The following TP53I11 variants were observed in gnomAD, a reference collection of about 807,000 sequenced individuals.
TP53I11 encodes tumor protein p53-inducible protein 11.
TP53I11 carries 9 observed loss-of-function variants against 23.3 expected under a neutral mutation model. The ratio of observed to expected loss-of-function variants is 0.39; its 90% CI spans 0.23 to 0.67. The LOEUF is 0.67. Among genes scored for constraint, TP53I11 ranks in the 30% least tolerant of loss-of-function variants. The pLI, the probability that TP53I11 is intolerant of heterozygous loss-of-function variation, is 0.48. For missense variants in TP53I11, 170 were observed against 255.2 expected (o/e 0.67, Z 2.27); for synonymous variants, 100 against 106.1 (o/e 0.94, Z 0.35).
chr11:44,935,148 G>A (rs954260988), intron 6 of TP53I11, 131 bp from the exon 7 acceptor site: 35 of 1,357,088 alleles, frequency 2.6e-5, no homozygotes, highest in Non-Finnish European at 3.1e-5. Context: ...TCCCAGGTGG[G>A]AAGCACAGGA....
chr11:44,941,429 G>T (rs78941469), intron 1 of TP53I11, among the ~76,000 whole-genome samples: 2,650 of 152,260 alleles, frequency 0.017, 80 homozygotes, highest in African/African-American at 0.06. Flanking sequence ...GGCCTAATGG[G>T]TAAGTGCTTA....
In TP53I11 at chr11:44,932,400, C is replaced by CAAAG. The variant is rs1431428866; in HGVS notation, c.*2480_*2483dup. The CAAAG allele has an allele frequency of 2.0e-5, 3 of 152,158 alleles. No homozygotes were observed. Among genetic ancestry groups the CAAAG allele is most frequent in the Non-Finnish European group, 2.9e-5 (2 of 68,048 alleles). 9.4% of individuals were successfully genotyped at this position (152,158 alleles called of 1,614,324 possible). ...TGTTTCTTACAAAAAGAAAAAGGAACAAAGAATAAATAGTGACCGTGAAGA... is the reference window on the plus strand; with the variant it reads ...TGTTTCTTACAAAAAGAAAAAGGAACAAAGAAAGAATAAATAGTGACCGTGAAGA... On this transcript the variant is annotated 3_prime_UTR_variant, in exon 7 of 7. Coordinates refer to ENST00000525680, the MANE Select transcript of TP53I11 (RefSeq NM_006034.5).
At chr11:44,944,367 T>A (rs1194270315) in intron 1 of TP53I11, among the ~76,000 whole-genome samples, 1 of 152,140 alleles carries the variant, frequency 6.6e-6, no homozygotes, top group African/African-American at 2.4e-5. Flanking sequence ...GCATTTGTGA[T>A]TGAATGAATG....
rs143816122 is a variant in TP53I11, at chr11:44,934,865, C to G, written c.*19G>C. Reference sequence around the variant, plus strand: ...CACTCTGGCCCAGGCATGGGCAGGGCCCCAGGCCCAGCGGGCAACTAGGCC... The same window carrying G: ...CACTCTGGCCCAGGCATGGGCAGGGGCCCAGGCCCAGCGGGCAACTAGGCC... On this transcript the variant is annotated 3_prime_UTR_variant, in exon 7 of 7. Coordinates refer to ENST00000525680, the MANE Select transcript of TP53I11 (RefSeq NM_006034.5). The G allele has an allele frequency of 6.2e-7, 1 of 1,613,672 alleles. No homozygotes were observed. The highest frequency in any genetic ancestry group is 8.5e-7 in the Non-Finnish European group (1 of 1,179,826).
intron 6 of TP53I11, 77 bp downstream of exon 6, chr11:44,935,484 C>A (rs1860994206): frequency 7.4e-7 from 1 of 1,352,558 alleles, no homozygotes. Flanking sequence ...ACTTCCCACA[C>A]ACCCAGGTGG....
Position 44,936,790 on chromosome 11 carries a change from C to T in TP53I11, c.334+13G>A. 1.9e-6 allele frequency: 3 copies of T among 1,573,676 alleles called. No individual in the cohort carries two copies. Among genetic ancestry groups the T allele is most frequent in the Non-Finnish European group, 2.6e-6 (3 of 1,162,824 alleles). ...CCGTCGCCTCCCCCAGGGCCCGCCC[C>T]AGCAGTACTCACTGAGGAGGGCACC... On this transcript the variant is annotated intron_variant, in intron 5 of 6. Transcript: ENST00000525680. The surrounding 1 kb of genome is among the most constrained non-coding windows in gnomAD (Gnocchi z 4.4).
chr11:44,936,816 G>A lies in TP53I11; in HGVS notation c.321C>T (p.Gly107=), dbSNP rs1204911974. The A allele has an allele frequency of 1.2e-6, 2 of 1,602,574 alleles. No homozygotes were observed. The highest frequency in any genetic ancestry group is 1.1e-5 in the South Asian group (1 of 88,796). The change falls in exon 5 of 7, where the codon GGC becomes GGT. Residue 107 remains glycine, a synonymous_variant. Transcript: ENST00000525680. This position sits in a 1 kb window ranked among gnomAD's most constrained non-coding sequence, Gnocchi z 4.4. ...AGCAGTACTCACTGAGGAGGGCACC[G>A]CCGTAGAGGCGGATGGGGGTCTTGC... is the stretch of plus-strand genomic sequence containing the variant. ...VTSKTPIRLY[G]GALLSISLIM...
In TP53I11 at chr11:44,938,282, G is replaced by A. The variant is rs543460596; in HGVS notation, c.54C>T (p.Leu18=). 3.8e-5 allele frequency: 61 copies of A among 1,612,890 alleles called. No individual in the cohort carries two copies. The highest frequency in any genetic ancestry group is 4.7e-5 in the Non-Finnish European group (55 of 1,179,602). ...TCTTGCGGGTCTTCAGGCGGCTCACGAGGTCCGTCTGGCTGTGCTTCTTCA... is the reference window on the plus strand; with the variant it reads ...TCTTGCGGGTCTTCAGGCGGCTCACAAGGTCCGTCTGGCTGTGCTTCTTCA... The part of the protein sequence containing the change: ...PLMKKHSQTD[L]VSRLKTRKIL... Residue 18 remains leucine (L), a synonymous_variant, in exon 2 of 7, where the codon CTC becomes CTT. Coordinates refer to ENST00000525680, the MANE Select transcript of TP53I11 (RefSeq NM_006034.5).
At chr11:44,950,507 C>G (rs1862846496) in intron 1 of TP53I11, among the ~76,000 whole-genome samples, 170 bp downstream of exon 1, 1 of 152,018 alleles carries the variant, frequency 6.6e-6, no homozygotes, top group African/African-American at 2.4e-5. Flanking sequence ...CCAGCGGGCT[C>G]AGCGGGTGCC....
In TP53I11 at chr11:44,936,835, G is replaced by T. The variant is rs1454175212; in HGVS notation, c.302C>A (p.Thr101Asn). The T allele has an allele frequency of 1.2e-6, 2 of 1,608,752 alleles. No individual in the cohort carries two copies. Among genetic ancestry groups the T allele is most frequent in the African/African-American group, 1.3e-5 (1 of 74,834 alleles). Reference protein sequence around the residue: ...VFDGAQVTSKTPIRLYGGALL... With the variant: ...VFDGAQVTSKNPIRLYGGALL... ...GGCACCGCCGTAGAGGCGGATGGGG[G>T]TCTTGCTGGTCACCTGGGCTCCATC... The change falls in exon 5 of 7, where the codon ACC becomes AAC. Residue 101 changes from threonine to asparagine, a missense_variant. Transcript: ENST00000525680. The surrounding 1 kb of genome is among the most constrained non-coding windows in gnomAD (Gnocchi z 4.4).
intron 1 of TP53I11, among the ~76,000 whole-genome samples, chr11:44,939,781 T>C (rs1260536284): frequency 6.6e-6 from 1 of 152,218 alleles, no homozygotes; most frequent in Non-Finnish European, 1.5e-5. Context: ...GAGTGTGATG[T>C]CATTTCCAGG....
At chr11:44,935,960 C>T (rs1861064381) in intron 5 of TP53I11, 2 of 470,504 alleles carry the variant, frequency 4.3e-6, no homozygotes, top group South Asian at 2.6e-5. Context: ...GAGGACTGAG[C>T]CCCTGGCCCC....
At chr11:44,947,842 T>TG (rs34008717) in intron 1 of TP53I11, among the ~76,000 whole-genome samples, 39,226 of 152,124 alleles carry the variant, frequency 0.26, 6,902 homozygotes, top group Non-Finnish European at 0.38. Flanking sequence ...AGTGAGAAGA[T>TG]GCACCAAAAA....
chr11:44,934,752 C>G lies in TP53I11; in HGVS notation c.*132G>C. 1.5e-6 allele frequency: 2 copies of G among 1,310,078 alleles called. No individual in the cohort carries two copies. Among genetic ancestry groups the G allele is most frequent in the South Asian group, 1.4e-5 (1 of 69,892 alleles). The allele number at this position is 1,310,078 out of a possible 1,614,324, so 81.2% of individuals were successfully genotyped here. ...TGCCCAGGAGGAAAGGAAGGCCCCC[C>G]ACCCCCTGCCTCCCTGGGGCAGGAC... On this transcript the variant is annotated 3_prime_UTR_variant, in exon 7 of 7. Coordinates refer to ENST00000525680, the MANE Select transcript of TP53I11 (RefSeq NM_006034.5).
intron 1 of TP53I11, chr11:44,939,431 C>T (rs1861533393): frequency 6.6e-6 from 1 of 152,246 alleles, no homozygotes; most frequent in Non-Finnish European, 1.5e-5. Context: ...CACCCTCTGG[C>T]AAGGCAGAAA....
chr11:44,935,673 G>T lies in TP53I11; in HGVS notation c.335-11C>A, dbSNP rs1159702357. On this transcript the variant is annotated splice_polypyrimidine_tract_variant and intron_variant, in intron 5 of 6. Transcript: ENST00000525680. ...TGATCAGGGAGATGCCTGGGGCGGG[G>T]GATGAAAAGGGGGCTGGGGGTGGGA... The T allele has an allele frequency of 2.0e-6, 3 of 1,491,090 alleles. No individual in the cohort carries two copies. Among genetic ancestry groups the T allele is most frequent in the Non-Finnish European group, 2.8e-6 (3 of 1,073,516 alleles). The allele number at this position is 1,491,090 out of a possible 1,614,324, so 92.4% of individuals were successfully genotyped here.
rs1405481315 is a variant in TP53I11 at position 44,942,628 on chromosome 11, G to A, written c.-31-4262C>T. Among the ~76,000 whole-genome samples, 7 of 152,156 alleles carry A rather than the reference G, an allele frequency of 4.6e-5. No homozygotes were observed. The South Asian group carries it at 1.0e-3, about 23-fold the overall frequency. ...CATGGGTGGGACAATCTTCATCCAC[G>A]GGCACTGCCATCAGACATCTGAGCT... On this transcript the variant is annotated intron_variant, in intron 1 of 6. Transcript: ENST00000525680.
chr11:44,935,301 G>T (rs946194007), intron 6 of TP53I11, among the ~76,000 whole-genome samples: 1 of 152,152 alleles, frequency 6.6e-6, no homozygotes. Context: ...GGTGTGGGGG[G>T]GCCGCAGGTA....
Position 44,933,192 on chromosome 11 carries a change from CAG to C in TP53I11, c.*1690_*1691del, listed in dbSNP as rs1200765629. 3 of 152,312 alleles carry C rather than the reference CAG, an allele frequency of 2.0e-5. No individual in the cohort carries two copies. The highest frequency in any genetic ancestry group is 2.0e-4 in the Admixed American group (3 of 15,292). The allele number at this position is 152,312 out of a possible 1,614,324, so 9.4% of individuals were successfully genotyped here. A position where few individuals can be genotyped will look rare whatever the true frequency, so the allele number is the denominator to read the frequency against. On this transcript the variant is annotated 3_prime_UTR_variant, in exon 7 of 7. Transcript: ENST00000525680. ...ATTCTGCTCTGCCACGTTTACCAAG[CAG>C]AGTCTCGGGGCATCCGCTGTAACCA... is the stretch of plus-strand genomic sequence containing the variant.
Sources: gnomAD v4.1 joint callset for allele counts (sites outside exome capture counted in the v4.1 genomes callset) on GRCh38, gnomAD v4.1.1 for gene constraint, Gnocchi (gnomAD v3.1) non-coding constraint, MANE v1.5 for transcripts, NCBI Gene and HGNC (gene_info 2026-07-23, HGNC 2026-07-21) for gene names.